The following MAST2 variants were observed in gnomAD, a reference collection of about 807,000 sequenced individuals.
MAST2 encodes the protein microtubule associated serine/threonine kinase 2, also known as microtubule-associated serine/threonine-protein kinase 2.
Under a neutral mutation model 147.4 loss-of-function variants are expected in MAST2, and 70 were observed. The observed-to-expected ratio is 0.47, with a 90% CI of 0.39 to 0.58. The LOEUF (loss-of-function observed/expected upper bound fraction) is 0.58, where lower values mean the gene tolerates loss of function less well. Ranked by LOEUF, MAST2 falls within the 20% of genes least tolerant of loss-of-function variation. MAST2 has a pLI of 0.00. For missense variants in MAST2, 2,080 were observed against 2,302.3 expected, an observed-to-expected ratio of 0.90 and a Z score of 1.98; for synonymous variants, 869 against 896.8, an observed-to-expected ratio of 0.97 and a Z score of 0.55.
intron 4 of MAST2, among the ~76,000 whole-genome samples, chr1:45,922,900 G>A (rs1460064473): frequency 1.3e-5 from 2 of 152,206 alleles, no homozygotes; most frequent in East Asian, 3.8e-4. Flanking sequence ...CCAACGCATC[G>A]AGTCTGGTGC....
intron 6 of MAST2, 99 bp from the exon 7 acceptor site, chr1:46,002,706 G>A (rs1360411265): frequency 3.1e-6 from 3 of 966,192 alleles, no homozygotes; most frequent in Non-Finnish European, 5.1e-6. Context: ...GAGCCCTACA[G>A]TGAATCAACT....
chr1:45,983,157 G>A (rs573818869), intron 5 of MAST2, among the ~76,000 whole-genome samples: 1 of 152,280 alleles, frequency 6.6e-6, no homozygotes, highest in Non-Finnish European at 1.5e-5. Context: ...ATTTGGTAAT[G>A]TAGAATGTTG....
chr1:45,878,962 A>G (rs1242930357), intron 3 of MAST2, among the ~76,000 whole-genome samples: 1 of 150,448 alleles, frequency 6.6e-6, no homozygotes, highest in Non-Finnish European at 1.5e-5. Flanking sequence ...TAATAATTGG[A>G]TTCAAAAATT....
chr1:45,867,964 CT>C (rs1417953617), intron 3 of MAST2, among the ~76,000 whole-genome samples: 1 of 152,208 alleles, frequency 6.6e-6, no homozygotes, highest in Non-Finnish European at 1.5e-5. Flanking sequence ...CATTCTCAAG[CT>C]TGCTTCCTAT....
At chr1:45,970,045 T>C (rs1643856261) in intron 5 of MAST2, among the ~76,000 whole-genome samples, 2 of 152,216 alleles carry the variant, frequency 1.3e-5, no homozygotes, top group African/African-American at 4.8e-5. Context: ...AGAGCTGGCA[T>C]TGATGAAATC....
At chr1:45,981,199 G>A (rs1225426037) in intron 5 of MAST2, among the ~76,000 whole-genome samples, 1 of 152,086 alleles carries the variant, frequency 6.6e-6, no homozygotes, top group Non-Finnish European at 1.5e-5. Flanking sequence ...AGCCTCCTGA[G>A]TAGCTGGAAT....
At chr1:45,912,897 G>GT (rs1388202522) in intron 4 of MAST2, among the ~76,000 whole-genome samples, 4 of 152,168 alleles carry the variant, frequency 2.6e-5, no homozygotes, top group African/African-American at 4.8e-5. Context: ...CTGTTTACAT[G>GT]TATTAGTCCT....
chr1:45,838,036 C>T (rs549020340), intron 3 of MAST2, among the ~76,000 whole-genome samples: 61 of 151,378 alleles, frequency 4.0e-4, no homozygotes, highest in Admixed American at 1.1e-3. Context: ...GCCTCAGCCT[C>T]CCAAAGTGCT....
At chr1:46,025,582 G>C in intron 15 of MAST2, 95 bp from the exon 16 acceptor site, 2 of 1,451,120 alleles carry the variant, frequency 1.4e-6, no homozygotes, top group East Asian at 2.3e-5. Flanking sequence ...CCATGAAGCT[G>C]TCTCCTCTGG....
At chr1:45,994,372 G>A (rs983013335) in intron 5 of MAST2, among the ~76,000 whole-genome samples, 21 of 136,030 alleles carry the variant, frequency 1.5e-4, no homozygotes, top group Non-Finnish European at 9.2e-5. Context: ...TGCAACCTCC[G>A]CCTCCTAGGT....
At chr1:45,985,325 C>T (rs1165574428) in intron 5 of MAST2, among the ~76,000 whole-genome samples, 1 of 152,028 alleles carries the variant, frequency 6.6e-6, no homozygotes, top group Non-Finnish European at 1.5e-5. Flanking sequence ...AACTCCTGAC[C>T]TCAGGTGATC....
intron 3 of MAST2, among the ~76,000 whole-genome samples, chr1:45,840,431 C>A (rs1377667694): frequency 6.6e-6 from 1 of 152,160 alleles, no homozygotes; most frequent in Non-Finnish European, 1.5e-5. Flanking sequence ...AAAGTAAATA[C>A]AAACTCAGGC....
chr1:45,935,207 G>C lies in MAST2; in HGVS notation c.501-24179G>C, dbSNP rs1334866433. On this transcript the variant is annotated intron_variant, in intron 4 of 28. Transcript: ENST00000361297. ...GCTGCTTGTGTGTCTTCTGAGGAGT[G>C]TCTGTTCATGTCTTTTGCCTATTTT... is the stretch of plus-strand genomic sequence containing the variant. Among the ~76,000 whole-genome samples, 3 of 152,156 alleles carry C rather than the reference G, an allele frequency of 2.0e-5. No homozygotes were observed. The East Asian group carries it at 5.8e-4, about 29-fold the overall frequency.
chr1:45,950,535 G>A (rs1658776149), intron 4 of MAST2, among the ~76,000 whole-genome samples: 1 of 152,180 alleles, frequency 6.6e-6, no homozygotes, highest in Admixed American at 6.5e-5. Context: ...TCACTTAACT[G>A]AAATTGGGGG....
At chr1:45,839,275 CCT>C (rs1484712009) in intron 3 of MAST2, among the ~76,000 whole-genome samples, 4 of 152,080 alleles carry the variant, frequency 2.6e-5, no homozygotes, top group African/African-American at 9.7e-5. Context: ...ATTACAGGTG[CCT>C]GCCACCATGC....
At chr1:46,025,243 T>C (rs945781194) in intron 15 of MAST2, among the ~76,000 whole-genome samples, 1 of 152,130 alleles carries the variant, frequency 6.6e-6, no homozygotes, top group African/African-American at 2.4e-5. Flanking sequence ...CGCTTGAACC[T>C]GGGAGGCAGA....
At chr1:45,855,775 A>T (rs553148373) in intron 3 of MAST2, among the ~76,000 whole-genome samples, 2 of 152,292 alleles carry the variant, frequency 1.3e-5, no homozygotes, top group East Asian at 3.9e-4. Context: ...ATAGGCAATC[A>T]TGTCATTTTC....
At chr1:45,982,651 A>G (rs1294444531) in intron 5 of MAST2, among the ~76,000 whole-genome samples, 2 of 152,164 alleles carry the variant, frequency 1.3e-5, no homozygotes, top group African/African-American at 2.4e-5. Flanking sequence ...AACTGTAATA[A>G]TAAGTATAGT....
intron 9 of MAST2, 108 bp downstream of exon 9, chr1:46,008,479 A>G: frequency 1.4e-6 from 1 of 715,174 alleles, no homozygotes; most frequent in South Asian, 1.7e-5. Context: ...ACCTCCAGAG[A>G]TAACCAAGAA....
Sources: allele counts gnomAD v4.1 joint callset (sites outside exome capture counted in the v4.1 genomes callset), GRCh38; gene constraint gnomAD v4.1.1; transcripts MANE v1.5; gene names NCBI Gene and HGNC (gene_info 2026-07-23, HGNC 2026-07-21).